ADGRG5: variants seen among roughly 807,000 people sequenced by gnomAD.
ADGRG5 encodes G protein-coupled receptor 114.
ADGRG5 carries 37 observed loss-of-function variants against 53.2 expected under a neutral mutation model. The observed-to-expected ratio is 0.70, with a 90% CI of 0.53 to 0.91. The LOEUF is 0.91. Among genes scored for constraint, ADGRG5 ranks in the 40% least tolerant of loss-of-function variants. ADGRG5 has a pLI of 0.00. For missense variants in ADGRG5, 614 were observed against 675.8 expected (o/e 0.91, Z 1.01); for synonymous variants, 277 against 290.4 (o/e 0.95, Z 0.47).
In ADGRG5 at chr16:57,563,939, G is replaced by A. The variant is rs746218229; in HGVS notation, c.389G>A (p.Arg130Gln). Reference sequence around the variant, plus strand: ...TGCAAGACCCGCCCCAGGGAGCTGCGGCTCATCTGTATCTACTTCTCCAAC... The same window carrying A: ...TGCAAGACCCGCCCCAGGGAGCTGCAGCTCATCTGTATCTACTTCTCCAAC... ...DACKTRPREL[R>Q]LICIYFSNTH... Residue 130 changes from arginine to glutamine, a missense_variant, in exon 5 of 12, where the codon CGG (arginine) becomes CAG (glutamine). Transcript: ENST00000349457. 23 of 1,613,924 alleles carry A rather than the reference G, an allele frequency of 1.4e-5. No homozygotes were observed. The highest frequency in any genetic ancestry group is 8.3e-5 in the Admixed American group (5 of 60,002).
At chr16:57,570,166 C>T (rs1296710824) in intron 9 of ADGRG5, among the ~76,000 whole-genome samples, 1 of 152,258 alleles carries the variant, frequency 6.6e-6, no homozygotes, top group Admixed American at 6.5e-5. Flanking sequence ...ATTTGCTCCC[C>T]ACCACCACCT....
intron 1 of ADGRG5, chr16:57,542,911 A>AG (rs1426985118): frequency 6.6e-6 from 1 of 152,214 alleles, no homozygotes; most frequent in East Asian, 1.9e-4. Context: ...TTTTGGAAGG[A>AG]GGGGCAATTT....
chr16:57,530,735 A>G, the ADGRG5 span, among the ~76,000 whole-genome samples: 25,496 of 151,952 alleles, frequency 0.17, 2,581 homozygotes, highest in African/African-American at 0.29. Context: ...CGTCCTTTCC[A>G]GGGGTCTTAC....
At position 57,576,377 on chromosome 16, in the gene ADGRG5, CA is replaced by C. The variant is rs1239242844; in HGVS notation, c.*840del. The C allele has an allele frequency of 2.6e-5, 4 of 152,218 alleles. No individual in the cohort carries two copies. Among genetic ancestry groups the C allele is most frequent in the African/African-American group, 9.7e-5 (4 of 41,448 alleles). The allele number at this position is 152,218 out of a possible 1,614,324, so 9.4% of individuals were successfully genotyped here. A position where few individuals can be genotyped will look rare whatever the true frequency, so the allele number is the denominator to read the frequency against. On this transcript the variant is annotated 3_prime_UTR_variant, in exon 12 of 12. Coordinates refer to ENST00000349457, the MANE Select transcript of ADGRG5 (RefSeq NM_001304376.3). ...ACGCTTCTTTCTCCTCCAGCTGAAT[CA>C]GCTGGATCCCAGTGTCCTGGCTGTT...
intron 1 of ADGRG5, among the ~76,000 whole-genome samples, chr16:57,555,894 T>C (rs2032871843): frequency 6.6e-6 from 1 of 152,160 alleles, no homozygotes; most frequent in Admixed American, 6.5e-5. Flanking sequence ...CCCCTTGCTG[T>C]TCTCCTGATA....
At chr16:57,570,389 A>G (rs1443855915) in intron 9 of ADGRG5, 29 bp from the exon 10 acceptor site, 2 of 1,496,290 alleles carry the variant, frequency 1.3e-6, no homozygotes, top group Admixed American at 1.7e-5. Flanking sequence ...CCTCTCCCAC[A>G]TCTCCTGAGC....
At chr16:57,529,258 A>G in the ADGRG5 span, 1 of 1,121,338 alleles carries the variant, frequency 8.9e-7, no homozygotes, top group Non-Finnish European at 1.1e-6. The surrounding 1 kb of genome is among the most constrained non-coding windows in gnomAD (Gnocchi z 4.1). Context: ...GGCGCGATAC[A>G]ACTGTGCATG....
At chr16:57,567,803 G>C in intron 8 of ADGRG5, 53 bp from the exon 9 acceptor site, 1 of 1,564,742 alleles carries the variant, frequency 6.4e-7, no homozygotes, top group South Asian at 1.2e-5. Flanking sequence ...CCAGTGGGTA[G>C]TGCTGCCTGG....
At chr16:57,536,689 G>A in the ADGRG5 span, 1 of 152,152 alleles carries the variant, frequency 6.6e-6, no homozygotes, top group Admixed American at 6.5e-5. Context: ...GCCCCGCTGT[G>A]ACCCCGGCCC....
chr16:57,531,913 A>AT, the ADGRG5 span, among the ~76,000 whole-genome samples: 1 of 152,188 alleles, frequency 6.6e-6, no homozygotes, highest in Non-Finnish European at 1.5e-5. Context: ...GTGGAGCAGT[A>AT]TTTTTTAAAA....
At chr16:57,554,463 G>A (rs973614000) in intron 1 of ADGRG5, among the ~76,000 whole-genome samples, 4 of 150,856 alleles carry the variant, frequency 2.7e-5, no homozygotes, top group African/African-American at 9.8e-5. Context: ...TGCAAGCTCT[G>A]CCTCCCAGGT....
the ADGRG5 span, among the ~76,000 whole-genome samples, chr16:57,531,941 A>G: frequency 6.6e-6 from 1 of 152,192 alleles, no homozygotes; most frequent in Non-Finnish European, 1.5e-5. Flanking sequence ...CCTTTTGTCA[A>G]GGTTCCTCCG....
chr16:57,570,165 C>T (rs1307466184), intron 9 of ADGRG5, among the ~76,000 whole-genome samples: 1 of 152,194 alleles, frequency 6.6e-6, no homozygotes, highest in Non-Finnish European at 1.5e-5. Flanking sequence ...CATTTGCTCC[C>T]CACCACCACC....
At chr16:57,565,009 A>C in intron 5 of ADGRG5, 25 bp from the exon 6 acceptor site, 1 of 1,437,086 alleles carries the variant, frequency 7.0e-7, no homozygotes. Flanking sequence ...CCCTCCACTC[A>C]GCCCTTCTCC....
At chr16:57,555,388 T>C (rs1161279803) in intron 1 of ADGRG5, among the ~76,000 whole-genome samples, 1 of 152,172 alleles carries the variant, frequency 6.6e-6, no homozygotes, top group Non-Finnish European at 1.5e-5. Flanking sequence ...CATCTGGTTT[T>C]TCCCCTGCTA....
chr16:57,552,771 C>T (rs201440309), intron 1 of ADGRG5, among the ~76,000 whole-genome samples: 102 of 152,262 alleles, frequency 6.7e-4, no homozygotes, highest in Non-Finnish European at 1.2e-3. Flanking sequence ...CAGGATGCCT[C>T]GCTTTTGGCT....
At chr16:57,575,375 A>G (rs1013501638) in intron 11 of ADGRG5, 63 bp from the exon 12 acceptor site, 148 of 1,487,636 alleles carry the variant, frequency 9.9e-5, no homozygotes, top group Non-Finnish European at 1.2e-4. Context: ...GCTGCAGCCA[A>G]GGAGACCCTG....
rs920108711 is a variant in ADGRG5, at chr16:57,555,334, C to T, written c.-38-6722C>T. Among the ~76,000 whole-genome samples, 32 of 152,172 alleles carry T rather than the reference C, an allele frequency of 2.1e-4. 1 individual carries two copies. Among genetic ancestry groups the T allele is most frequent in the African/African-American group, 6.5e-4 (27 of 41,508 alleles). Reference sequence around the variant, plus strand: ...GGGGCAGTTTCCCCCATACTGCTCTCGTGATAGTGAGTGAGTTCTCATGAG... The same window carrying T: ...GGGGCAGTTTCCCCCATACTGCTCTTGTGATAGTGAGTGAGTTCTCATGAG... On this transcript the variant is annotated intron_variant, in intron 1 of 11. Transcript: ENST00000349457.
At chr16:57,529,211 C>T in the ADGRG5 span, 1 of 1,157,854 alleles carries the variant, frequency 8.6e-7, no homozygotes, top group Non-Finnish European at 1.1e-6. This position sits in a 1 kb window ranked among gnomAD's most constrained non-coding sequence, Gnocchi z 4.1. Flanking sequence ...CTCGAACTCG[C>T]GGTCGGGCTC....
Sources: gnomAD v4.1 joint callset for allele counts (sites outside exome capture counted in the v4.1 genomes callset) on GRCh38, gnomAD v4.1.1 for gene constraint, Gnocchi (gnomAD v3.1) non-coding constraint, MANE v1.5 for transcripts, NCBI Gene and HGNC (gene_info 2026-07-23, HGNC 2026-07-21) for gene names.